The following C11orf58 variants were observed in gnomAD, a reference collection of about 807,000 sequenced individuals.
C11orf58 encodes chromosome 11 open reading frame 58, also known as small acidic protein.
Under a neutral mutation model 22.7 loss-of-function variants are expected in C11orf58, and 5 were observed. The ratio of observed to expected loss-of-function variants is 0.22; its 90% CI spans 0.12 to 0.46. The LOEUF (loss-of-function observed/expected upper bound fraction) is 0.46. Ranked by LOEUF, C11orf58 falls within the 20% of genes least tolerant of loss-of-function variation. The pLI is 0.99. For synonymous variants in C11orf58, 71 were observed against 70.7 expected (o/e 1.00, Z -0.02); for missense variants, 151 against 223.3 (o/e 0.68, Z 2.06).
Position 16,758,313 on chromosome 11 carries a change from C to T in C11orf58, c.*3209C>T, listed in dbSNP as rs908275673. 6.6e-6 allele frequency among the ~76,000 whole-genome samples: 1 copy of T among 152,174 alleles called. No individual in the cohort carries two copies. Among genetic ancestry groups the T allele is most frequent in the East Asian group, 1.9e-4 (1 of 5,198 alleles). On this transcript the variant is annotated 3_prime_UTR_variant, in exon 5 of 5. Coordinates refer to ENST00000228136, the MANE Select transcript of C11orf58 (RefSeq NM_014267.6). ...AGAAAGATCACCAAATGTATAAATC[C>T]GTATTAGTAAAAATTGGTTTTAACT...
intron 4 of C11orf58, among the ~76,000 whole-genome samples, chr11:16,753,450 C>G (rs1848549316): frequency 6.6e-6 from 1 of 151,930 alleles, no homozygotes; most frequent in Non-Finnish European, 1.5e-5. Context: ...ACTGCAACTT[C>G]CACCTCCCGG....
intron 2 of C11orf58, chr11:16,747,090 ATG>A (rs1848493088): frequency 6.6e-6 from 1 of 152,224 alleles, no homozygotes; most frequent in Non-Finnish European, 1.5e-5. Flanking sequence ...CTAAGAACAT[ATG>A]AATAGATCAG....
chr11:16,750,533 G>A (rs1197900913), intron 3 of C11orf58: 2 of 152,262 alleles, frequency 1.3e-5, no homozygotes, highest in African/African-American at 2.4e-5. Context: ...GGTGGCACAT[G>A]TTCCTCTTCT....
intron 2 of C11orf58, chr11:16,747,050 G>A (rs1848492802): frequency 1.3e-5 from 2 of 152,184 alleles, no homozygotes; most frequent in African/African-American, 4.8e-5. Flanking sequence ...CGGCTATCAT[G>A]AATATTTTAT....
intron 3 of C11orf58, chr11:16,750,859 T>G (rs1848527463): frequency 6.6e-6 from 1 of 152,286 alleles, no homozygotes; most frequent in African/African-American, 2.4e-5. Context: ...CTTTCTGTTT[T>G]CACTACTCAG....
rs1013546076 is a variant in C11orf58 at position 16,738,755 on chromosome 11, T to C, written c.-24T>C. Reference sequence around the variant, plus strand: ...GGAAGAGCGGCGAGAGGGTTCGGCATTTTTCGTCGGGATCCCCGCAAGGAT... The same window carrying C: ...GGAAGAGCGGCGAGAGGGTTCGGCACTTTTCGTCGGGATCCCCGCAAGGAT... On this transcript the variant is annotated 5_prime_UTR_variant, in exon 1 of 5. Transcript: ENST00000228136. The C allele has an allele frequency of 3.7e-6, 6 of 1,613,602 alleles. No homozygotes were observed. In the African/African-American group the frequency reaches 6.7e-5, roughly 18 times the overall value.
Position 16,757,126 on chromosome 11 carries a change from T to G in C11orf58, c.*2022T>G, listed in dbSNP as rs7128876. On this transcript the variant is annotated 3_prime_UTR_variant, in exon 5 of 5. Coordinates refer to ENST00000228136, the MANE Select transcript of C11orf58 (RefSeq NM_014267.6). Reference sequence around the variant, plus strand: ...ATCACTTTATAGTAGACAATACATATGACATTTAACAAATACTTGGTTTGA... The same window carrying G: ...ATCACTTTATAGTAGACAATACATAGGACATTTAACAAATACTTGGTTTGA... Among the ~76,000 whole-genome samples the G allele has an allele frequency of 6.6e-6, 1 of 150,568 alleles. No individual in the cohort carries two copies. The highest frequency in any genetic ancestry group is 1.5e-5 in the Non-Finnish European group (1 of 67,622).
chr11:16,744,657 GTTC>G lies in C11orf58; in HGVS notation c.123_125del (p.Phe41del). 6.2e-7 allele frequency: 1 copy of G among 1,613,984 alleles called. No individual in the cohort carries two copies. The highest frequency in any genetic ancestry group is 1.1e-5 in the South Asian group (1 of 91,062). On this transcript the variant is annotated inframe_deletion, in exon 2 of 5. Transcript: ENST00000228136. ...TGGGTAATGAAGAGAGAAAACAAAA[GTTC>G]TTGAGACTTATGGGTGCAGGAAAGG...
rs1199622646 is a variant in C11orf58, at chr11:16,738,689, T to G, written c.-90T>G. Reference sequence around the variant, plus strand: ...GCTCTGCGTTCTGTAGTGGCGCTGCTTGGGCCCTTGGCGGATTGTAAGCTG... The same window carrying G: ...GCTCTGCGTTCTGTAGTGGCGCTGCGTGGGCCCTTGGCGGATTGTAAGCTG... On this transcript the variant is annotated 5_prime_UTR_variant, in exon 1 of 5. Coordinates refer to ENST00000228136, the MANE Select transcript of C11orf58 (RefSeq NM_014267.6). 15 of 1,426,428 alleles carry G rather than the reference T, an allele frequency of 1.1e-5. No individual in the cohort carries two copies. In the South Asian group the frequency reaches 1.6e-4, roughly 15 times the overall value. The allele number at this position is 1,426,428 out of a possible 1,614,324, so 88.4% of individuals were successfully genotyped here. A position where few individuals can be genotyped will look rare whatever the true frequency, so the allele number is the denominator to read the frequency against.
At position 16,757,185 on chromosome 11, in the gene C11orf58, C is replaced by G. The variant is rs1340617278; in HGVS notation, c.*2081C>G. On this transcript the variant is annotated 3_prime_UTR_variant, in exon 5 of 5. Transcript: ENST00000228136. ...GGCTTTATTCAACAATTTTAGTTTG[C>G]CCACTGATTTTCAAATGTCTGTGGG... Among the ~76,000 whole-genome samples the G allele has an allele frequency of 3.3e-5, 5 of 151,704 alleles. No individual in the cohort carries two copies. Among genetic ancestry groups the G allele is most frequent in the African/African-American group, 1.2e-4 (5 of 41,242 alleles).
In C11orf58 at chr11:16,757,577, T is replaced by C. The variant is rs765008262; in HGVS notation, c.*2473T>C. Among the ~76,000 whole-genome samples, 1 of 152,204 alleles carries C rather than the reference T, an allele frequency of 6.6e-6. No individual in the cohort carries two copies. The highest frequency in any genetic ancestry group is 1.9e-4 in the East Asian group (1 of 5,196). ...TTTTTAAATCAAATTGGAAAAAAAT[T>C]AGACAACTGATGTCATGCTGTCTTG... is the stretch of plus-strand genomic sequence containing the variant. On this transcript the variant is annotated 3_prime_UTR_variant, in exon 5 of 5. Transcript: ENST00000228136.
intron 1 of C11orf58, among the ~76,000 whole-genome samples, chr11:16,742,931 A>T (rs1049427055): frequency 1.3e-5 from 2 of 152,156 alleles, no homozygotes; most frequent in Non-Finnish European, 2.9e-5. Context: ...GTGGAACCTG[A>T]GAATAGGAAA....
intron 1 of C11orf58, among the ~76,000 whole-genome samples, chr11:16,741,900 A>G (rs966016286): frequency 6.6e-6 from 1 of 152,244 alleles, no homozygotes; most frequent in Non-Finnish European, 1.5e-5. Context: ...ATTTCATTAT[A>G]GATTACAGTG....
rs958799077 is a variant in C11orf58 at position 16,755,230 on chromosome 11, A to G, written c.*126A>G. On this transcript the variant is annotated 3_prime_UTR_variant, in exon 5 of 5. Transcript: ENST00000228136. ...AAAAGGCCCTTTTAAATAATTACAA[A>G]GAGTGTTTGCTTTCAAATGCCATGG... 1.8e-5 allele frequency: 21 copies of G among 1,156,206 alleles called. No homozygotes were observed. In the African/African-American group the frequency reaches 3.1e-4, roughly 17 times the overall value. The allele number at this position is 1,156,206 out of a possible 1,614,324, so 71.6% of individuals were successfully genotyped here.
At position 16,752,817 on chromosome 11, in the gene C11orf58, G is replaced by T; in HGVS notation, c.241G>T (p.Glu81Ter). Residue 81 changes from glutamate to a stop codon, truncating the protein, a stop_gained, in exon 4 of 5, where the codon GAG (glutamate) becomes TAG (stop). Transcript: ENST00000228136. LOFTEE classifies it high-confidence loss of function. ...EEDKKINEEL[E>*]SQYQQSMDSK... Reference sequence around the variant, plus strand: ...AGACAAGAAAATTAATGAAGAACTGGAGTCTCAATATCAGCAAAGTATGGA... The same window carrying T: ...AGACAAGAAAATTAATGAAGAACTGTAGTCTCAATATCAGCAAAGTATGGA... 1.2e-6 allele frequency: 2 copies of T among 1,612,712 alleles called. No homozygotes were observed. The highest frequency in any genetic ancestry group is 1.7e-6 in the Non-Finnish European group (2 of 1,179,522).
intron 1 of C11orf58, among the ~76,000 whole-genome samples, chr11:16,743,135 A>T (rs1848461389): frequency 6.6e-6 from 1 of 152,226 alleles, no homozygotes. Context: ...TTTTATTTTT[A>T]GATTATAAAC....
intron 2 of C11orf58, 154 bp from the exon 3 acceptor site, chr11:16,747,943 C>G (rs1460251960): frequency 5.0e-6 from 3 of 602,228 alleles, no homozygotes; most frequent in Non-Finnish European, 8.9e-6. Flanking sequence ...CCTACCCTTG[C>G]TAGAATGTAA....
chr11:16,754,185 T>A (rs1447793097), intron 4 of C11orf58: 1 of 394,714 alleles, frequency 2.5e-6, no homozygotes, highest in East Asian at 3.6e-5. Flanking sequence ...GTGCAAAACA[T>A]TGATAACTGA....
intron 1 of C11orf58, among the ~76,000 whole-genome samples, chr11:16,739,982 G>T (rs1848432791): frequency 6.6e-6 from 1 of 152,202 alleles, no homozygotes; most frequent in Non-Finnish European, 1.5e-5. Context: ...ATCTTTAAAG[G>T]AATCGACTTC....
Sources: allele counts gnomAD v4.1 joint callset (sites outside exome capture counted in the v4.1 genomes callset), GRCh38; gene constraint gnomAD v4.1.1; transcripts MANE v1.5; gene names NCBI Gene and HGNC (gene_info 2026-07-23, HGNC 2026-07-21).